Variants in MYLK observed in about 807,000 individuals in gnomAD.
The protein encoded by MYLK is myosin light chain kinase, smooth muscle.
Under a neutral mutation model 203.4 loss-of-function variants are expected in MYLK, and 106 were observed. The observed-to-expected ratio is 0.52, with a 90% CI of 0.45 to 0.61. MYLK has a LOEUF of 0.61. MYLK is among the 20% of genes least tolerant of loss of function. MYLK has a pLI of 0.00. For synonymous variants in MYLK, 867 were observed against 959.5 expected (o/e 0.90, Z 1.78); for missense variants, 2,072 against 2,442.3 (o/e 0.85, Z 3.20).
At chr3:123,667,056 A>G in intron 21 of MYLK, 81 bp downstream of exon 21, 5 of 1,270,868 alleles carry the variant, frequency 3.9e-6, no homozygotes, top group Non-Finnish European at 5.8e-6. Flanking sequence ...TCACATACCC[A>G]GGTGTCAGTC....
chr3:123,855,634 G>A (rs542435789), intron 2 of MYLK, among the ~76,000 whole-genome samples: 1 of 151,504 alleles, frequency 6.6e-6, no homozygotes, highest in East Asian at 1.9e-4. Flanking sequence ...GTGAGACCCT[G>A]TCCTTAAAAA....
intron 2 of MYLK, among the ~76,000 whole-genome samples, chr3:123,862,814 C>T (rs2032031798): frequency 6.6e-6 from 1 of 152,118 alleles, no homozygotes; most frequent in Non-Finnish European, 1.5e-5. Flanking sequence ...CCTACTTGTT[C>T]TTCCAAGTTT....
rs761639849 is a variant in MYLK, at chr3:123,722,208, G to C, written c.1724C>G (p.Pro575Arg). The change falls in exon 13 of 34, where the codon CCG (proline) becomes CGG (arginine). Residue 575 changes from proline (P) to arginine (R), a missense_variant. By Grantham distance (103) the Pro-to-Arg change is moderately radical. Transcript: ENST00000360304. ...VAELHIQDAL[P>R]EDHGTYTCLA... The stretch of plus-strand genomic sequence containing the variant: ...GCAGGTGTAGGTGCCATGGTCCTCC[G>C]GCAGGGCATCCTGGATGTGGAGCTC... 2 of 1,562,290 alleles carry C rather than the reference G, an allele frequency of 1.3e-6. No individual in the cohort carries two copies. The highest frequency in any genetic ancestry group is 2.4e-5 in the South Asian group (2 of 84,652).
chr3:123,872,482 A>G (rs938253009), intron 2 of MYLK, among the ~76,000 whole-genome samples: 2 of 152,284 alleles, frequency 1.3e-5, no homozygotes, highest in Admixed American at 1.3e-4. Flanking sequence ...CCCCCATTTC[A>G]GATCACAAGT....
chr3:123,713,493 C>G (rs2061777609), intron 13 of MYLK, among the ~76,000 whole-genome samples: 2 of 152,080 alleles, frequency 1.3e-5, no homozygotes, highest in Non-Finnish European at 2.9e-5. Flanking sequence ...GACAAACACA[C>G]TGTCAGCTGA....
intron 31 of MYLK, 97 bp from the exon 32 acceptor site, chr3:123,620,433 G>T: frequency 6.3e-7 from 1 of 1,598,410 alleles, no homozygotes; most frequent in South Asian, 1.1e-5. Flanking sequence ...CCCCAGAGAA[G>T]CAGCTGTTCC....
At chr3:123,769,153 A>C (rs2063796064) in intron 4 of MYLK, among the ~76,000 whole-genome samples, 1 of 152,190 alleles carries the variant, frequency 6.6e-6, no homozygotes, top group Non-Finnish European at 1.5e-5. Context: ...CCCTACACGA[A>C]GCACAGGACC....
intron 33 of MYLK, among the ~76,000 whole-genome samples, chr3:123,614,862 A>G (rs1356752180): frequency 2.0e-5 from 3 of 151,846 alleles, no homozygotes; most frequent in Non-Finnish European, 2.9e-5. Context: ...GCTGGAGTGC[A>G]GTGGCATGAA....
rs2057301532 is a variant in MYLK at position 123,613,438 on chromosome 3, A to G, written c.*667T>C. ...ATTTCCTACTGATTTTGGAAGAAAA[A>G]TATTTTCCTAAGGAAGCCAGAGTCA... On this transcript the variant is annotated 3_prime_UTR_variant, in exon 34 of 34. Coordinates refer to ENST00000360304, the MANE Select transcript of MYLK (RefSeq NM_053025.4). 1 of 152,678 alleles carries G rather than the reference A, an allele frequency of 6.5e-6. No homozygotes were observed. Among genetic ancestry groups the G allele is most frequent in the African/African-American group, 2.4e-5 (1 of 41,414 alleles). The allele number at this position is 152,678 out of a possible 1,614,324, so 9.5% of individuals were successfully genotyped here.
In MYLK at chr3:123,850,549, G is replaced by T. The variant is rs372731645; in HGVS notation, c.-126-18879C>A. 5.4e-4 allele frequency among the ~76,000 whole-genome samples: 82 copies of T among 152,300 alleles called. No homozygotes were observed. In the South Asian group the frequency reaches 0.016, roughly 30 times the overall value. ...TGGCTGCATAAATGTCTTCTTTTGA[G>T]AAGTGTCTGTTCATATCCTTTGCCC... On this transcript the variant is annotated intron_variant, in intron 2 of 33. Coordinates refer to ENST00000360304, the MANE Select transcript of MYLK (RefSeq NM_053025.4).
chr3:123,789,093 C>A (rs2064664717), intron 4 of MYLK, among the ~76,000 whole-genome samples: 1 of 152,140 alleles, frequency 6.6e-6, no homozygotes, highest in Non-Finnish European at 1.5e-5. Context: ...GGCAACAGAG[C>A]AGCTAGGGGT....
intron 16 of MYLK, among the ~76,000 whole-genome samples, chr3:123,705,682 C>T (rs2061433810): frequency 6.6e-6 from 1 of 152,136 alleles, no homozygotes; most frequent in African/African-American, 2.4e-5. Context: ...CTGGTGCACG[C>T]CTCCTCTCTG....
At chr3:123,810,129 G>C (rs1214064805) in intron 3 of MYLK, among the ~76,000 whole-genome samples, 1 of 152,166 alleles carries the variant, frequency 6.6e-6, no homozygotes, top group Admixed American at 6.5e-5. Context: ...TGTATTTACT[G>C]AGTGCCCACA....
chr3:123,831,456 C>G (rs1213256010), intron 3 of MYLK, 92 bp downstream of exon 3: 1 of 1,288,022 alleles, frequency 7.8e-7, no homozygotes, highest in Admixed American at 2.3e-5. Context: ...TTCTGGGCAC[C>G]TAGAAAGACA....
intron 3 of MYLK, among the ~76,000 whole-genome samples, chr3:123,826,239 T>C (rs1056383907): frequency 6.6e-6 from 1 of 152,104 alleles, no homozygotes; most frequent in African/African-American, 2.4e-5. Context: ...CAGCCTGAGA[T>C]ATAGCCCTGT....
chr3:123,800,107 A>G (rs1196029027), intron 3 of MYLK: 1 of 152,060 alleles, frequency 6.6e-6, no homozygotes, highest in Non-Finnish European at 1.5e-5. Flanking sequence ...AGCTGGGGTG[A>G]CCTTTGAAAC....
chr3:123,664,347 A>C, intron 22 of MYLK, 89 bp from the exon 23 acceptor site: 1 of 1,568,438 alleles, frequency 6.4e-7, no homozygotes, highest in East Asian at 2.3e-5. Flanking sequence ...TACTTCCTGA[A>C]GGATGCAGCT....
intron 4 of MYLK, among the ~76,000 whole-genome samples, chr3:123,769,630 T>C (rs927625130): frequency 6.6e-6 from 1 of 152,218 alleles, no homozygotes; most frequent in African/African-American, 2.4e-5. Flanking sequence ...ATGCTCTCAC[T>C]GCACCCTGGG....
intron 3 of MYLK, among the ~76,000 whole-genome samples, chr3:123,824,139 G>A (rs1161742816): frequency 1.3e-5 from 2 of 151,226 alleles, no homozygotes; most frequent in African/African-American, 2.4e-5. Flanking sequence ...CCCCAGGCTG[G>A]AGTGCAATGG....
Sources: allele counts gnomAD v4.1 joint callset (sites outside exome capture counted in the v4.1 genomes callset), GRCh38; gene constraint gnomAD v4.1.1; transcripts MANE v1.5; gene names NCBI Gene and HGNC (gene_info 2026-07-23, HGNC 2026-07-21).